Variants in COLEC11 observed in about 807,000 individuals in gnomAD.
COLEC11 encodes collectin subfamily member 11.
A neutral mutation model predicts 27.3 loss-of-function variants in COLEC11; 20 were observed. The ratio of observed to expected loss-of-function variants is 0.73; its 90% CI spans 0.51 to 1.06. The LOEUF (loss-of-function observed/expected upper bound fraction) is 1.06, where lower values mean the gene tolerates loss of function less well. Among genes scored for constraint, COLEC11 ranks in the 50% least tolerant of loss-of-function variants. The probability of loss-of-function intolerance (pLI) is 0.00; values close to 1 mark genes in which losing one functional copy is unlikely to be tolerated. For missense variants in COLEC11, 310 were observed against 383.0 expected, an observed-to-expected ratio of 0.81 and a Z score of 1.59; for synonymous variants, 163 against 154.7, an observed-to-expected ratio of 1.05 and a Z score of -0.40.
intron 3 of COLEC11, among the ~76,000 whole-genome samples, chr2:3,636,574 T>C (rs193301372): frequency 2.0e-5 from 3 of 152,344 alleles, no homozygotes; most frequent in East Asian, 1.9e-4. Flanking sequence ...GAAGTCCTAA[T>C]AGTGTGTAAA....
intron 2 of COLEC11, chr2:3,606,230 C>T: frequency 1.3e-6 from 2 of 1,550,468 alleles, no homozygotes; most frequent in Non-Finnish European, 1.7e-6. Flanking sequence ...GTTGTCTTCC[C>T]TGCGCCCTGC....
At chr2:3,604,033 C>T (rs1218559530) in intron 1 of COLEC11, 1 of 572,866 alleles carries the variant, frequency 1.7e-6, no homozygotes, top group East Asian at 2.9e-5. Flanking sequence ...GAGATCAGAT[C>T]GAACTCCTTG....
chr2:3,626,552 C>T (rs1352389252), intron 3 of COLEC11, among the ~76,000 whole-genome samples: 1 of 152,206 alleles, frequency 6.6e-6, no homozygotes, highest in Non-Finnish European at 1.5e-5. Flanking sequence ...TATTATTCTC[C>T]GTTTGCACAG....
At chr2:3,612,166 A>G (rs555745884) in intron 2 of COLEC11, among the ~76,000 whole-genome samples, 48 of 152,190 alleles carry the variant, frequency 3.2e-4, no homozygotes, top group African/African-American at 1.0e-3. Flanking sequence ...CTTGTAGCAT[A>G]TCAGCGCACA....
chr2:3,633,567 G>A (rs986670414), intron 3 of COLEC11, among the ~76,000 whole-genome samples: 1 of 152,090 alleles, frequency 6.6e-6, no homozygotes, highest in Non-Finnish European at 1.5e-5. Flanking sequence ...TGCTGTGAGC[G>A]CGTCCAGCCT....
chr2:3,631,189 C>T (rs1356852142), intron 3 of COLEC11, among the ~76,000 whole-genome samples: 1 of 151,676 alleles, frequency 6.6e-6, no homozygotes, highest in Non-Finnish European at 1.5e-5. Flanking sequence ...CAAGATTGCA[C>T]TACTGCACTC....
Sources: gnomAD v4.1 joint callset for allele counts (sites outside exome capture counted in the v4.1 genomes callset) on GRCh38, gnomAD v4.1.1 for gene constraint, MANE v1.5 for transcripts, NCBI Gene and HGNC (gene_info 2026-07-23, HGNC 2026-07-21) for gene names.